PIEZO2: variants seen among roughly 807,000 people sequenced by gnomAD.
PIEZO2 encodes piezo type mechanosensitive ion channel component 2.
PIEZO2 carries 172 observed loss-of-function variants against 337.3 expected under a neutral mutation model. The ratio of observed to expected loss-of-function variants is 0.51; its 90% CI spans 0.45 to 0.58. The LOEUF (loss-of-function observed/expected upper bound fraction) is 0.58, where lower values mean the gene tolerates loss of function less well. PIEZO2 is among the 20% of genes least tolerant of loss of function. PIEZO2 has a pLI of 0.00. For synonymous variants in PIEZO2, 1,251 were observed against 1,228.5 expected (o/e 1.02, Z -0.38); for missense variants, 3,028 against 3,391.3 (o/e 0.89, Z 2.66).
intron 2 of PIEZO2, among the ~76,000 whole-genome samples, chr18:11,055,756 GCC>G (rs1325713528): frequency 6.6e-6 from 1 of 152,162 alleles, no homozygotes; most frequent in Non-Finnish European, 1.5e-5. Flanking sequence ...TGACACCCAG[GCC>G]CAGGTCAAGT....
At chr18:10,776,727 C>T (rs922001676) in intron 18 of PIEZO2, among the ~76,000 whole-genome samples, 1 of 152,122 alleles carries the variant, frequency 6.6e-6, no homozygotes, top group African/African-American at 2.4e-5. Flanking sequence ...TGCAAGCTTT[C>T]GAGGCAGACC....
intron 1 of PIEZO2, among the ~76,000 whole-genome samples, chr18:11,140,788 T>C (rs1281139502): frequency 6.6e-6 from 1 of 152,226 alleles, no homozygotes; most frequent in Non-Finnish European, 1.5e-5. Flanking sequence ...AAAATAAGAA[T>C]GACATTTCCC....
At chr18:10,818,371 A>G (rs1434020605) in intron 7 of PIEZO2, among the ~76,000 whole-genome samples, 5 of 152,248 alleles carry the variant, frequency 3.3e-5, no homozygotes, top group Admixed American at 6.5e-5. Context: ...AGGTGAATGA[A>G]GTTGAACAAA....
rs2040727485 is a variant in PIEZO2 at position 11,143,637 on chromosome 18, ACACTCTCTCTCT to A, written c.64+4876_64+4887del. On this transcript the variant is annotated intron_variant, in intron 1 of 55. Transcript: ENST00000674853. This position sits in a 1 kb window ranked among gnomAD's most constrained non-coding sequence, Gnocchi z 4.9. ...CACACACACACACACACACACACAC[ACACTCTCTCTCT>A]CTCTCTCTCTCTCTCTCTCTCTCAC... 1.1e-5 allele frequency among the ~76,000 whole-genome samples: 1 copy of A among 93,348 alleles called. No individual in the cohort carries two copies. Among genetic ancestry groups the A allele is most frequent in the African/African-American group, 5.9e-5 (1 of 16,966 alleles). The allele number at this position is 93,348 out of a possible 152,430, so 61.2% of individuals were successfully genotyped here.
chr18:10,704,088 T>G lies in PIEZO2; in HGVS notation c.6258+306A>C, dbSNP rs79131377. On this transcript the variant is annotated intron_variant, in intron 42 of 55. Transcript: ENST00000674853. Reference sequence around the variant, plus strand: ...CAAACGTGTACCCACCCCTCACCAGTTGGGCAACTCTGGCCATTTATTTAA... The same window carrying G: ...CAAACGTGTACCCACCCCTCACCAGGTGGGCAACTCTGGCCATTTATTTAA... 1.1e-3 allele frequency among the ~76,000 whole-genome samples: 165 copies of G among 152,274 alleles called. 2 individuals carry two copies. The highest frequency in any genetic ancestry group is 0.011 in the East Asian group (55 of 5,168).
At chr18:10,787,221 A>C (rs764174109) in intron 15 of PIEZO2, 37 bp from the exon 16 acceptor site, 3 of 1,486,920 alleles carry the variant, frequency 2.0e-6, no homozygotes, top group Non-Finnish European at 2.7e-6. Flanking sequence ...AATGAGAAAA[A>C]ATCACTTTTA....
rs2039126216 is a variant in PIEZO2 at position 10,784,105 on chromosome 18, G to C, written c.2492+679C>G. On this transcript the variant is annotated intron_variant, in intron 17 of 55. Transcript: ENST00000674853. The surrounding 1 kb of genome is among the most constrained non-coding windows in gnomAD (Gnocchi z 4.5). Reference sequence around the variant, plus strand: ...AAACCATTGTCAGCGTTCACTAAAAGAATGCTTGTGATCTCCCCGTGATGG... The same window carrying C: ...AAACCATTGTCAGCGTTCACTAAAACAATGCTTGTGATCTCCCCGTGATGG... Among the ~76,000 whole-genome samples the C allele has an allele frequency of 6.6e-6, 1 of 152,182 alleles. No homozygotes were observed. The highest frequency in any genetic ancestry group is 6.5e-5 in the Admixed American group (1 of 15,272).
At position 11,148,422 on chromosome 18, in the gene PIEZO2, T is replaced by C; in HGVS notation, c.64+103A>G. 7.5e-7 allele frequency: 1 copy of C among 1,340,628 alleles called. No homozygotes were observed. The highest frequency in any genetic ancestry group is 1.5e-5 in the African/African-American group (1 of 68,826). The allele number at this position is 1,340,628 out of a possible 1,614,324, so 83.0% of individuals were successfully genotyped here. On this transcript the variant is annotated intron_variant, in intron 1 of 55. Coordinates refer to ENST00000674853, the MANE Select transcript of PIEZO2 (RefSeq NM_001378183.1). This position sits in a 1 kb window ranked among gnomAD's most constrained non-coding sequence, Gnocchi z 5.2. ...CGTCTGACGCCGCTGGCCTCCCGAA[T>C]CGAACCCCAGAGCACCAGAGCCCTT...
At chr18:11,064,468 G>C (rs2038084817) in intron 2 of PIEZO2, among the ~76,000 whole-genome samples, 1 of 152,148 alleles carries the variant, frequency 6.6e-6, no homozygotes, top group South Asian at 2.1e-4. Context: ...CACTGACCTT[G>C]TAACATTTTG....
In PIEZO2 at chr18:10,726,919, G is replaced by A; in HGVS notation, c.5029+4488C>T. ...CAACCGGCTGGATGTGGCGGAGCTGGGTCGCCTGCTGCCCGACTGATGTAG... is the reference window on the plus strand; with the variant it reads ...CAACCGGCTGGATGTGGCGGAGCTGAGTCGCCTGCTGCCCGACTGATGTAG... On this transcript the variant is annotated intron_variant, in intron 36 of 55. Transcript: ENST00000674853. This position sits in a 1 kb window ranked among gnomAD's most constrained non-coding sequence, Gnocchi z 5.9. The A allele has an allele frequency of 6.4e-7, 1 of 1,565,698 alleles. No individual in the cohort carries two copies. Among genetic ancestry groups the A allele is most frequent in the Non-Finnish European group, 8.7e-7 (1 of 1,153,396 alleles).
At chr18:10,764,562 C>A (rs2038275155) in intron 21 of PIEZO2, among the ~76,000 whole-genome samples, 1 of 150,818 alleles carries the variant, frequency 6.6e-6, no homozygotes, top group African/African-American at 2.5e-5. Flanking sequence ...TGCACTCCAG[C>A]CTGGGTGACA....
chr18:10,842,148 CAA>C (rs34809564), intron 7 of PIEZO2, among the ~76,000 whole-genome samples: 66 of 70,332 alleles, frequency 9.4e-4, no homozygotes, highest in African/African-American at 1.6e-3. Context: ...GACTCCGTCT[CAA>C]AAAAAAAAAA....
intron 49 of PIEZO2, among the ~76,000 whole-genome samples, chr18:10,689,360 C>T (rs2034695236): frequency 6.6e-6 from 1 of 152,184 alleles, no homozygotes; most frequent in Non-Finnish European, 1.5e-5. Flanking sequence ...TTCCTTTCTG[C>T]TCCCAAAGGA....
At position 10,791,308 on chromosome 18, in the gene PIEZO2, G is replaced by C. The variant is rs1208762160; in HGVS notation, c.1775C>G (p.Thr592Ser). ...ELASKILFTI[T>S]FWLLLRQHLT... ...GTGCTGCCTCAGCAGTAGCCAAAAAGTAATGGTGAAAAGGATCTGAAAGTA... is the reference window on the plus strand; with the variant it reads ...GTGCTGCCTCAGCAGTAGCCAAAAACTAATGGTGAAAAGGATCTGAAAGTA... The change falls in exon 14 of 56, where the codon ACT becomes AGT. Residue 592 changes from threonine (T) to serine (S), a missense_variant. This residue lies in a region of PIEZO2 where 1,925 missense variants were observed against 2,051.9 expected (regional missense o/e 0.94). Coordinates refer to ENST00000674853, the MANE Select transcript of PIEZO2 (RefSeq NM_001378183.1). 2 of 1,519,816 alleles carry C rather than the reference G, an allele frequency of 1.3e-6. No homozygotes were observed. Among genetic ancestry groups the C allele is most frequent in the Non-Finnish European group, 1.8e-6 (2 of 1,139,350 alleles). 94.1% of individuals were successfully genotyped at this position (1,519,816 alleles called of 1,614,324 possible). A position where few individuals can be genotyped will look rare whatever the true frequency, so the allele number is the denominator to read the frequency against.
chr18:10,800,359 C>T lies in PIEZO2; in HGVS notation c.1356G>A (p.Trp452Ter). ...TACCTGAGGATTCATCAGAGGGCTC[C>T]CACCGGTACTGAGGGGTGGAGTAGA... ...ADLYSTPQYR[W>*]EPSDESSEKR... The change falls in exon 11 of 56, where the codon TGG (tryptophan) becomes TGA (stop). Residue 452 changes from tryptophan (W) to a stop codon, truncating the protein, a stop_gained. Transcript: ENST00000674853. LOFTEE classifies it high-confidence loss of function. 3 of 1,535,126 alleles carry T rather than the reference C, an allele frequency of 2.0e-6. No individual in the cohort carries two copies. Among genetic ancestry groups the T allele is most frequent in the Non-Finnish European group, 2.6e-6 (3 of 1,145,936 alleles).
At chr18:10,918,223 C>A (rs1357565502) in intron 3 of PIEZO2, among the ~76,000 whole-genome samples, 1 of 152,050 alleles carries the variant, frequency 6.6e-6, no homozygotes, top group Non-Finnish European at 1.5e-5. Context: ...ACATGAGGTT[C>A]ATCATTAATA....
rs1272831406 is a variant in PIEZO2 at position 10,952,269 on chromosome 18, A to G, written c.286+27266T>C. Among the ~76,000 whole-genome samples, 2 of 152,118 alleles carry G rather than the reference A, an allele frequency of 1.3e-5. No individual in the cohort carries two copies. Among genetic ancestry groups the G allele is most frequent in the African/African-American group, 4.8e-5 (2 of 41,422 alleles). On this transcript the variant is annotated intron_variant, in intron 3 of 55. Transcript: ENST00000674853. The surrounding 1 kb of genome is among the most constrained non-coding windows in gnomAD (Gnocchi z 4.1). ...AAGTTACACAGAGTAAAATTTTTGC[A>G]TGTATAATTTCTCAATTTCTTACAA... is the stretch of plus-strand genomic sequence containing the variant.
chr18:10,877,899 C>T lies in PIEZO2; in HGVS notation c.330-6484G>A, dbSNP rs926161534. On this transcript the variant is annotated intron_variant, in intron 4 of 55. Transcript: ENST00000674853. The surrounding 1 kb of genome is among the most constrained non-coding windows in gnomAD (Gnocchi z 5.3). ...CATTTCCCTCTACCTCAAATTCCGG[C>T]CATACTGAATGCACGTACCCAGAAC... Among the ~76,000 whole-genome samples the T allele has an allele frequency of 1.3e-5, 2 of 152,142 alleles. No individual in the cohort carries two copies. The highest frequency in any genetic ancestry group is 4.8e-5 in the African/African-American group (2 of 41,420).
chr18:10,971,575 G>A (rs150207696), intron 3 of PIEZO2, among the ~76,000 whole-genome samples: 143 of 152,162 alleles, frequency 9.4e-4, no homozygotes, highest in African/African-American at 3.0e-3. Flanking sequence ...ATGCAGTCCC[G>A]ACTGTCCCCA....
Sources: gnomAD v4.1 joint callset for allele counts (sites outside exome capture counted in the v4.1 genomes callset) on GRCh38, gnomAD v4.1.1 for gene constraint, gnomAD v4.1.1 regional missense constraint, Gnocchi (gnomAD v3.1) non-coding constraint, MANE v1.5 for transcripts, NCBI Gene and HGNC (gene_info 2026-07-23, HGNC 2026-07-21) for gene names.